Variants in VPS13D observed in about 807,000 individuals in gnomAD.
VPS13D encodes the protein intermembrane lipid transfer protein VPS13D.
Under a neutral mutation model 461.9 loss-of-function variants are expected in VPS13D, and 187 were observed. The ratio of observed to expected loss-of-function variants is 0.40; its 90% CI spans 0.36 to 0.46. The LOEUF (loss-of-function observed/expected upper bound fraction) is 0.46, where lower values mean the gene tolerates loss of function less well. Ranked by LOEUF, VPS13D falls within the 20% of genes least tolerant of loss-of-function variation. VPS13D has a pLI of 0.60. For missense variants in VPS13D, 4,711 were observed against 5,364.9 expected (o/e 0.88, Z 3.81); for synonymous variants, 1,951 against 1,986.3 (o/e 0.98, Z 0.47).
Position 12,308,581 on chromosome 1 carries a change from G to C in VPS13D, c.6590G>C (p.Gly2197Ala), listed in dbSNP as rs762112374. The change falls in exon 27 of 70, where the codon GGA becomes GCA. Residue 2197 changes from glycine to alanine, a missense_variant. By Grantham distance (60) the Gly-to-Ala change is moderately conservative. Around this residue, in one of 3 missense-constraint regions of VPS13D, gnomAD observed 4,411 missense variants for 4,937.8 expected, o/e 0.89. Transcript: ENST00000620676. ...IFPSYFVRQT[G>A]GSLLTEPCRL... ...CCTTCCTATTTTGTGCGACAGACAGGAGGAAGCCTCTTAACCGAGCCTTGT... is the reference window on the plus strand; with the variant it reads ...CCTTCCTATTTTGTGCGACAGACAGCAGGAAGCCTCTTAACCGAGCCTTGT... 2.5e-6 allele frequency: 4 copies of C among 1,614,054 alleles called. No individual in the cohort carries two copies. The South Asian group carries it at 3.3e-5, about 13-fold the overall frequency.
intron 68 of VPS13D, among the ~76,000 whole-genome samples, chr1:12,503,006 G>A (rs376523182): frequency 2.0e-5 from 3 of 152,206 alleles, no homozygotes; most frequent in Admixed American, 6.5e-5. Context: ...CTGGCATCAG[G>A]GTGGCTGGCT....
chr1:12,354,371 A>C, intron 47 of VPS13D, 150 bp downstream of exon 47: 1 of 1,048,480 alleles, frequency 9.5e-7, no homozygotes, highest in Non-Finnish European at 1.3e-6. Context: ...GCAGTTAAAA[A>C]AAAATAACCT....
intron 46 of VPS13D, 83 bp downstream of exon 46, chr1:12,349,457 A>G: frequency 8.1e-7 from 1 of 1,240,298 alleles, no homozygotes; most frequent in Non-Finnish European, 1.1e-6. Context: ...TTCTCTAAAG[A>G]CCCTTAGAGA....
chr1:12,361,391 A>ATTT (rs1158608905), intron 50 of VPS13D, among the ~76,000 whole-genome samples: 5 of 140,964 alleles, frequency 3.5e-5, no homozygotes, highest in African/African-American at 1.1e-4. Flanking sequence ...TTATTTATTT[A>ATTT]TTTATTTATT....
intron 60 of VPS13D, among the ~76,000 whole-genome samples, chr1:12,388,918 G>A (rs1644386322): frequency 1.3e-5 from 2 of 152,186 alleles, no homozygotes; most frequent in Admixed American, 1.3e-4. Context: ...ACATCAGACG[G>A]AATAGATTTC....
chr1:12,273,775 C>A lies in VPS13D; in HGVS notation c.2236+640C>A, dbSNP rs183979621. ...AATAATAGTCCATCGTGTGGCTGTT[C>A]CGCGTTTTGTTTATCCTTTCATTTG... is the stretch of plus-strand genomic sequence containing the variant. On this transcript the variant is annotated intron_variant, in intron 18 of 69. Transcript: ENST00000620676. Among the ~76,000 whole-genome samples, 303 of 151,168 alleles carry A rather than the reference C, an allele frequency of 2.0e-3. 1 individual carries two copies. Among genetic ancestry groups the A allele is most frequent in the African/African-American group, 7.0e-3 (291 of 41,458 alleles).
At chr1:12,398,816 T>C (rs979685760) in intron 60 of VPS13D, among the ~76,000 whole-genome samples, 1 of 152,216 alleles carries the variant, frequency 6.6e-6, no homozygotes, top group African/African-American at 2.4e-5. Flanking sequence ...GGTTCTCTAA[T>C]TTAAATTGTC....
Position 12,363,136 on chromosome 1 carries a change from C to T in VPS13D, c.10337C>T (p.Pro3446Leu), listed in dbSNP as rs1382563866. ...LPGSSVVFHW[P>L]RNDYDQLLCV... ...GGTTCCAGTGTGGTGTTCCACTGGC[C>T]TCGGAATGACTATGATCAGCTATTG... The change falls in exon 52 of 70, where the codon CCT (proline) becomes CTT (leucine). Residue 3446 changes from proline (P) to leucine (L), a missense_variant. Physicochemically the swap from Pro to Leu is moderately conservative, Grantham distance 98. This residue lies in a region of VPS13D where 4,411 missense variants were observed against 4,937.8 expected (regional missense o/e 0.89). Coordinates refer to ENST00000620676, the MANE Select transcript of VPS13D (RefSeq NM_015378.4). 6.2e-7 allele frequency: 1 copy of T among 1,614,052 alleles called. No individual in the cohort carries two copies. The highest frequency in any genetic ancestry group is 8.5e-7 in the Non-Finnish European group (1 of 1,180,034).
chr1:12,348,996 A>G, intron 45 of VPS13D, 23 bp downstream of exon 45: 2 of 1,613,850 alleles, frequency 1.2e-6, no homozygotes, highest in Non-Finnish European at 1.7e-6. Context: ...TGTCTAGCAT[A>G]TAGTAAATGC....
chr1:12,505,789 G>A lies in VPS13D; in HGVS notation c.12795-1064G>A, dbSNP rs1338862906. Among the ~76,000 whole-genome samples the A allele has an allele frequency of 6.6e-6, 1 of 152,228 alleles. No homozygotes were observed. The highest frequency in any genetic ancestry group is 1.5e-5 in the Non-Finnish European group (1 of 68,040). On this transcript the variant is annotated intron_variant, in intron 68 of 69. Transcript: ENST00000620676. This position sits in a 1 kb window ranked among gnomAD's most constrained non-coding sequence, Gnocchi z 4.2. ...CTGTGATCCTTGCGGGGAGGGGGAT[G>A]GGATCTAGAGAAGTTGGGAGAGCAG...
chr1:12,402,774 A>G (rs999264870), intron 62 of VPS13D: 3 of 152,066 alleles, frequency 2.0e-5, no homozygotes, highest in South Asian at 2.1e-4. Context: ...TTTCTTGTAA[A>G]TTTTCTTATA....
intron 21 of VPS13D, among the ~76,000 whole-genome samples, chr1:12,284,361 G>C (rs1641901197): frequency 6.6e-6 from 1 of 152,202 alleles, no homozygotes; most frequent in African/African-American, 2.4e-5. Flanking sequence ...CCTCCACACA[G>C]TGTGTGGCAC....
rs1641638975 is a variant in VPS13D at position 12,277,161 on chromosome 1, A to G, written c.3573A>G (p.Arg1191=). The G allele has an allele frequency of 6.2e-7, 1 of 1,614,228 alleles. No individual in the cohort carries two copies. Among genetic ancestry groups the G allele is most frequent in the Non-Finnish European group, 8.5e-7 (1 of 1,180,038 alleles). ...VGMANREKYG[R]KIATASIGGT... Reference sequence around the variant, plus strand: ...TGGCAAATAGAGAGAAATATGGCAGAAAAATTGCAACTGCAAGTATAGGTG... The same window carrying G: ...TGGCAAATAGAGAGAAATATGGCAGGAAAATTGCAACTGCAAGTATAGGTG... Residue 1191 remains arginine (R), a synonymous_variant, in exon 19 of 70, where the codon AGA becomes AGG. Transcript: ENST00000620676.
intron 60 of VPS13D, among the ~76,000 whole-genome samples, chr1:12,399,773 T>G (rs1392657045): frequency 1.3e-5 from 2 of 150,698 alleles, no homozygotes; most frequent in Admixed American, 6.6e-5. Context: ...GAGCCAAGAT[T>G]CCGCCACTGC....
At chr1:12,357,339 T>G (rs985657014) in intron 49 of VPS13D, among the ~76,000 whole-genome samples, 11 of 152,158 alleles carry the variant, frequency 7.2e-5, no homozygotes, top group African/African-American at 2.7e-4. Flanking sequence ...TGATGAGAGT[T>G]CTGGATATTG....
intron 67 of VPS13D, among the ~76,000 whole-genome samples, chr1:12,494,323 G>A (rs1645926824): frequency 6.6e-6 from 1 of 152,092 alleles, no homozygotes; most frequent in Non-Finnish European, 1.5e-5. Context: ...TGGTGGGTTT[G>A]CAGTTTACAG....
intron 67 of VPS13D, among the ~76,000 whole-genome samples, chr1:12,484,103 A>G (rs867012757): frequency 6.6e-6 from 1 of 152,018 alleles, no homozygotes; most frequent in Non-Finnish European, 1.5e-5. Context: ...CCTATTTCTT[A>G]GTATTTCTTT....
At chr1:12,480,513 A>G (rs1326465311) in intron 67 of VPS13D, among the ~76,000 whole-genome samples, 2 of 152,180 alleles carry the variant, frequency 1.3e-5, no homozygotes, top group Admixed American at 6.5e-5. Flanking sequence ...TGGCTCTGGT[A>G]GTGAGTCCCA....
chr1:12,349,501 A>T, intron 46 of VPS13D, 127 bp downstream of exon 46: 1 of 991,188 alleles, frequency 1.0e-6, no homozygotes, highest in Non-Finnish European at 1.5e-6. Context: ...TAAAGTTCTT[A>T]TTCCTTGAGT....
Sources: gnomAD v4.1 joint callset for allele counts (sites outside exome capture counted in the v4.1 genomes callset) on GRCh38, gnomAD v4.1.1 for gene constraint, gnomAD v4.1.1 regional missense constraint, Gnocchi (gnomAD v3.1) non-coding constraint, MANE v1.5 for transcripts, NCBI Gene and HGNC (gene_info 2026-07-23, HGNC 2026-07-21) for gene names.